OPTN: variants seen among roughly 807,000 people sequenced by gnomAD.
OPTN encodes the protein optineurin.
A neutral mutation model predicts 70.4 loss-of-function variants in OPTN; 54 were observed. That is an observed-to-expected ratio of 0.77 (90% CI 0.62 to 0.96). OPTN has a LOEUF of 0.96. Ranked by LOEUF, OPTN falls within the 40% of genes least tolerant of loss-of-function variation. The probability of loss-of-function intolerance (pLI) is 0.00; values close to 1 mark genes in which losing one functional copy is unlikely to be tolerated. For missense variants in OPTN, 624 were observed against 673.2 expected, an observed-to-expected ratio of 0.93 and a Z score of 0.81; for synonymous variants, 256 against 248.5, an observed-to-expected ratio of 1.03 and a Z score of -0.28.
At chr10:13,129,570 C>CT (rs1044117926) in intron 12 of OPTN, among the ~76,000 whole-genome samples, 1 of 138,502 alleles carries the variant, frequency 7.2e-6, no homozygotes. Flanking sequence ...CCATGGTGGT[C>CT]TCGAACAGTT....
At position 13,109,063 on chromosome 10, in the gene OPTN, C is replaced by T. The variant is rs1325502573; in HGVS notation, c.-11-49C>T. 4 of 1,587,212 alleles carry T rather than the reference C, an allele frequency of 2.5e-6. No homozygotes were observed. The East Asian group carries it at 8.9e-5, about 35-fold the overall frequency. ...GGGTTTGTGGGACTCCCGGGGACCC[C>T]TTGTGGGGCGGGGGACAGCTCTATT... On this transcript the variant is annotated intron_variant, in intron 2 of 14. Coordinates refer to ENST00000378747, the MANE Select transcript of OPTN (RefSeq NM_001008212.2).
rs771767144 is a variant in OPTN at position 13,126,283 on chromosome 10, C to CCTTTTTTTTTTTTTTTTTTTT, written c.1242+244_1242+245insCTTTTTTTTTTTTTTTTTTTT. Reference sequence around the variant, plus strand: ...GTCAGGGATTAAGCACTTCGTATTTCTTTTTTTTTTTTTTTGAGACGGAGT... The same window carrying CCTTTTTTTTTTTTTTTTTTTT: ...GTCAGGGATTAAGCACTTCGTATTTCCTTTTTTTTTTTTTTTTTTTTTTTTTTTTTTTTTTTGAGACGGAGT... On this transcript the variant is annotated intron_variant, in intron 11 of 14. Transcript: ENST00000378747. Among the ~76,000 whole-genome samples, 490 of 138,916 alleles carry CCTTTTTTTTTTTTTTTTTTTT rather than the reference C, an allele frequency of 3.5e-3. 18 individuals carry two copies. Among genetic ancestry groups the CCTTTTTTTTTTTTTTTTTTTT allele is most frequent in the African/African-American group, 0.012 (445 of 36,592 alleles). 91.1% of individuals were successfully genotyped at this position (138,916 alleles called of 152,430 possible).
At chr10:13,109,055 G>T in intron 2 of OPTN, 57 bp from the exon 3 acceptor site, 1 of 1,535,894 alleles carries the variant, frequency 6.5e-7, no homozygotes, top group Non-Finnish European at 9.0e-7. Context: ...TGGGACTCCC[G>T]GGGACCCCTT....
rs1479534195 is a variant in OPTN, at chr10:13,116,299, C to T, written c.585C>T (p.Ile195=). ...EGEAEGSVKE[I]KHSPGPTRTV... ...AAGCAGAAGGGTCAGTAAAAGAAAT[C>T]AAGCATAGTCCTGGGCCCACGAGAA... The change falls in exon 6 of 15, where the codon ATC becomes ATT. Residue 195 remains isoleucine (I), a synonymous_variant. Coordinates refer to ENST00000378747, the MANE Select transcript of OPTN (RefSeq NM_001008212.2). 1 of 1,613,336 alleles carries T rather than the reference C, an allele frequency of 6.2e-7. No individual in the cohort carries two copies. Among genetic ancestry groups the T allele is most frequent in the African/African-American group, 1.3e-5 (1 of 74,890 alleles).
chr10:13,104,783 G>A (rs2131471935), intron 1 of OPTN: 1 of 571,566 alleles, frequency 1.7e-6, no homozygotes, highest in Admixed American at 2.1e-5. Flanking sequence ...CTAGCCATCT[G>A]GTTAGAACAT....
intron 7 of OPTN, among the ~76,000 whole-genome samples, chr10:13,122,057 G>A (rs1389442677): frequency 6.6e-6 from 1 of 152,198 alleles, no homozygotes; most frequent in Admixed American, 6.5e-5. Context: ...GAGATACCAT[G>A]TTCATGGAAC....
chr10:13,116,296 A>G lies in OPTN; in HGVS notation c.582A>G (p.Glu194=), dbSNP rs776613114. The G allele has an allele frequency of 1.9e-5, 31 of 1,613,448 alleles. No homozygotes were observed. The highest frequency in any genetic ancestry group is 3.3e-5 in the Admixed American group (2 of 59,998). Residue 194 remains glutamate, a synonymous_variant, in exon 6 of 15, where the codon GAA becomes GAG. Transcript: ENST00000378747. ...GAGAAGCAGAAGGGTCAGTAAAAGA[A>G]ATCAAGCATAGTCCTGGGCCCACGA... ...AEGEAEGSVK[E]IKHSPGPTRT...
intron 1 of OPTN, among the ~76,000 whole-genome samples, chr10:13,107,537 C>T (rs1832893694): frequency 6.6e-6 from 1 of 151,178 alleles, no homozygotes; most frequent in African/African-American, 2.4e-5. Context: ...TGCCACCATG[C>T]TTGGCTAATT....
chr10:13,112,503 G>A lies in OPTN; in HGVS notation c.420G>A (p.Lys140=). The A allele has an allele frequency of 2.5e-6, 4 of 1,614,100 alleles. No homozygotes were observed. The highest frequency in any genetic ancestry group is 3.4e-6 in the Non-Finnish European group (4 of 1,180,024). ...CCAGGGCCGAAGCGGAGCAGGAAAA[G>A]GACCAGCTCAGGACCCAGGTGGTGA... ...RLPRAEAEQE[K]DQLRTQVVRL... is the part of the protein sequence containing the mutation. The change falls in exon 5 of 15, where the codon AAG becomes AAA. Residue 140 remains lysine (K), a synonymous_variant. Coordinates refer to ENST00000378747, the MANE Select transcript of OPTN (RefSeq NM_001008212.2).
chr10:13,125,526 A>T lies in OPTN; in HGVS notation c.1107A>T (p.Leu369=). The T allele has an allele frequency of 6.2e-7, 1 of 1,614,196 alleles. No homozygotes were observed. Among genetic ancestry groups the T allele is most frequent in the Non-Finnish European group, 8.5e-7 (1 of 1,180,016 alleles). Residue 369 remains leucine (L), a synonymous_variant, in exon 10 of 15, where the codon CTA becomes CTT. Coordinates refer to ENST00000378747, the MANE Select transcript of OPTN (RefSeq NM_001008212.2). ...TAGAGCTACAAGTGGAAAGCATGCT[A>T]TCAGAAATCAAAATGGAACAGGCTA... is the stretch of plus-strand genomic sequence containing the variant. ...KKLELQVESM[L]SEIKMEQAKT... is the part of the protein sequence containing the mutation.
At chr10:13,117,815 G>A (rs115502489) in intron 6 of OPTN, among the ~76,000 whole-genome samples, 341 of 152,190 alleles carry the variant, frequency 2.2e-3, no homozygotes, top group African/African-American at 6.1e-3. Context: ...CTTACAAAAC[G>A]TGAAAAAAAT....
intron 11 of OPTN, among the ~76,000 whole-genome samples, chr10:13,126,430 G>A (rs1564365663): frequency 6.6e-6 from 1 of 151,512 alleles, no homozygotes; most frequent in African/African-American, 2.4e-5. Context: ...ACAGGCGCCC[G>A]CCACCGCGCC....
rs1397149957 is a variant in OPTN at position 13,125,486 on chromosome 10, A to C, written c.1067A>C (p.Tyr356Ser). 1.9e-6 allele frequency: 3 copies of C among 1,614,058 alleles called. No homozygotes were observed. In the Admixed American group the frequency reaches 5.0e-5, roughly 27 times the overall value. Residue 356 changes from tyrosine to serine, a missense_variant, in exon 10 of 15, where the codon TAT becomes TCT. Physicochemically the swap from Tyr to Ser is moderately radical, Grantham distance 144. Transcript: ENST00000378747. ...TTGAATGAAAAGCAAGAGCTTGTTT[A>C]TACTAACAAAAAGTTAGAGCTACAA... ...SELNEKQELVYTNKKLELQVE... is the reference protein window; with the variant it reads ...SELNEKQELVSTNKKLELQVE...
rs771767144 is a variant in OPTN, at chr10:13,126,283, C to CCTTTTTTTTTTTTT, written c.1242+244_1242+245insCTTTTTTTTTTTTT. ...GTCAGGGATTAAGCACTTCGTATTT[C>CCTTTTTTTTTTTTT]TTTTTTTTTTTTTTTGAGACGGAGT... On this transcript the variant is annotated intron_variant, in intron 11 of 14. Transcript: ENST00000378747. Among the ~76,000 whole-genome samples, 41 of 139,052 alleles carry CCTTTTTTTTTTTTT rather than the reference C, an allele frequency of 2.9e-4. 2 individuals carry two copies. Among genetic ancestry groups the CCTTTTTTTTTTTTT allele is most frequent in the African/African-American group, 1.0e-3 (37 of 36,714 alleles). 91.2% of individuals were successfully genotyped at this position (139,052 alleles called of 152,430 possible).
chr10:13,114,835 T>TAATTGTAGAATATATTCTAC (rs1588438589), intron 5 of OPTN, among the ~76,000 whole-genome samples: 5 of 112,614 alleles, frequency 4.4e-5, no homozygotes, highest in East Asian at 2.6e-4. Context: ...TATAATTATA[T>TAATTGTAGAATATATTCTAC]AATTATATAA....
intron 7 of OPTN, among the ~76,000 whole-genome samples, chr10:13,119,705 C>G (rs76440286): frequency 0.014 from 2,138 of 152,290 alleles, 37 homozygotes; most frequent in African/African-American, 0.047. Flanking sequence ...CACGTCCATA[C>G]CAACACTTGT....
At chr10:13,135,729 C>T (rs1192761841) in intron 14 of OPTN, among the ~76,000 whole-genome samples, 1 of 152,106 alleles carries the variant, frequency 6.6e-6, no homozygotes, top group East Asian at 1.9e-4. Context: ...TCTAGGAGAC[C>T]TCTCCTGGGC....
At position 13,132,010 on chromosome 10, in the gene OPTN, T is replaced by C. The variant is rs1239806127; in HGVS notation, c.1402-57T>C. The C allele has an allele frequency of 5.3e-5, 83 of 1,570,072 alleles. No homozygotes were observed. The East Asian group carries it at 1.8e-3, about 35-fold the overall frequency. ...CACTACCTCCTCATCGCATAAACAC[T>C]GTAAGAATCTGCATTCATCTAGGTA... On this transcript the variant is annotated intron_variant, in intron 12 of 14. Coordinates refer to ENST00000378747, the MANE Select transcript of OPTN (RefSeq NM_001008212.2).
rs552674712 is a variant in OPTN, at chr10:13,137,450, A to G, written c.*584A>G. On this transcript the variant is annotated 3_prime_UTR_variant, in exon 15 of 15. Transcript: ENST00000378747. ...TTTTTTATGTTTGGTTGATGCGAGC[A>G]GCTGCACTGCTCATGCAGTTAGCTA... 2.6e-5 allele frequency: 6 copies of G among 233,418 alleles called. No homozygotes were observed. The highest frequency in any genetic ancestry group is 8.9e-5 in the African/African-American group (4 of 45,056). The allele number at this position is 233,418 out of a possible 1,614,324, so 14.5% of individuals were successfully genotyped here.
Sources: allele counts gnomAD v4.1 joint callset (sites outside exome capture counted in the v4.1 genomes callset), GRCh38; gene constraint gnomAD v4.1.1; transcripts MANE v1.5; gene names NCBI Gene and HGNC (gene_info 2026-07-23, HGNC 2026-07-21).